GOLGA3: variants seen among roughly 807,000 people sequenced by gnomAD.
The protein encoded by GOLGA3 is golgin subfamily A member 3.
Under a neutral mutation model 169.4 loss-of-function variants are expected in GOLGA3, and 75 were observed. The ratio of observed to expected loss-of-function variants is 0.44; its 90% CI spans 0.37 to 0.54. The LOEUF (loss-of-function observed/expected upper bound fraction) is 0.54. GOLGA3 is among the 20% of genes least tolerant of loss of function. The pLI, the probability that GOLGA3 is intolerant of heterozygous loss-of-function variation, is 0.00. For missense variants in GOLGA3, 1,899 were observed against 1,930.0 expected (o/e 0.98, Z 0.30); for synonymous variants, 824 against 822.4 (o/e 1.00, Z -0.03).
intron 22 of GOLGA3, chr12:132,774,829 A>G: frequency 2.1e-6 from 1 of 483,310 alleles, no homozygotes; most frequent in Non-Finnish European, 3.6e-6. Context: ...GCCTGGGCAC[A>G]GCTCCCGGGC....
chr12:132,809,174 C>A (rs370489363), intron 4 of GOLGA3, among the ~76,000 whole-genome samples: 4 of 152,206 alleles, frequency 2.6e-5, no homozygotes, highest in Non-Finnish European at 2.9e-5. Context: ...AGACAGCTTA[C>A]GCCATTATTT....
intron 13 of GOLGA3, 71 bp downstream of exon 13, chr12:132,788,956 G>T: frequency 1.2e-5 from 6 of 493,270 alleles, no homozygotes; most frequent in Non-Finnish European, 1.5e-5. Flanking sequence ...CCCAGACACA[G>T]GCCCCACCCT....
In GOLGA3 at chr12:132,801,976, T is replaced by C. The variant is rs1228157728; in HGVS notation, c.1598-7A>G. Reference sequence around the variant, plus strand: ...TGCTGTCGCAGGTCGTGCACTGAAATGGGGCAAGCACAGCGGCTCAGGCCA... The same window carrying C: ...TGCTGTCGCAGGTCGTGCACTGAAACGGGGCAAGCACAGCGGCTCAGGCCA... On this transcript the variant is annotated splice_polypyrimidine_tract_variant and splice_region_variant and intron_variant, in intron 7 of 23. Coordinates refer to ENST00000450791, the MANE Select transcript of GOLGA3 (RefSeq NM_001389683.1). 4 of 1,593,972 alleles carry C rather than the reference T, an allele frequency of 2.5e-6. No homozygotes were observed. In the African/African-American group the frequency reaches 4.0e-5, roughly 16 times the overall value.
At position 132,808,308 on chromosome 12, in the gene GOLGA3, G is replaced by A. The variant is rs1232633583; in HGVS notation, c.761C>T (p.Ser254Leu). 2 of 1,614,030 alleles carry A rather than the reference G, an allele frequency of 1.2e-6. No individual in the cohort carries two copies. The highest frequency in any genetic ancestry group is 1.3e-5 in the African/African-American group (1 of 74,900). ...ATTTCCCCCAGAATTCCCCGCATTTGAATCTTCAGTTCTGTAATCGGCCAG... is the reference window on the plus strand; with the variant it reads ...ATTTCCCCCAGAATTCCCCGCATTTAAATCTTCAGTTCTGTAATCGGCCAG... The part of the protein sequence containing the change: ...RSLADYRTED[S>L]NAGNSGGNVP... Residue 254 changes from serine (S) to leucine (L), a missense_variant, in exon 5 of 24, where the codon TCA becomes TTA. Physicochemically the swap from Ser to Leu is moderately radical, Grantham distance 145. Coordinates refer to ENST00000450791, the MANE Select transcript of GOLGA3 (RefSeq NM_001389683.1).
At chr12:132,778,067 T>G (rs893336502) in intron 18 of GOLGA3, among the ~76,000 whole-genome samples, 6 of 152,206 alleles carry the variant, frequency 3.9e-5, no homozygotes, top group African/African-American at 1.4e-4. Context: ...TAAATAGTTT[T>G]TATAGTCTTC....
At chr12:132,826,192 G>A in intron 1 of GOLGA3, 1 of 1,559,908 alleles carries the variant, frequency 6.4e-7, no homozygotes, top group African/African-American at 1.4e-5. Flanking sequence ...TCTGAGGCTG[G>A]ACATCAGCCC....
In GOLGA3 at chr12:132,780,822, C is replaced by G; in HGVS notation, c.3558G>C (p.Glu1186Asp). ...ALQASLEKEK[E>D]KVNSLKEQVA... is the part of the protein sequence containing the mutation. ...CCTGCTCCTTGAGGCTGTTCACCTT[C>G]TCCTTCTCCTTCTCTAGTGAGGCCT... The change falls in exon 18 of 24, where the codon GAG becomes GAC. Residue 1186 changes from glutamate (E) to aspartate (D), a missense_variant. Coordinates refer to ENST00000450791, the MANE Select transcript of GOLGA3 (RefSeq NM_001389683.1). 1.2e-6 allele frequency: 2 copies of G among 1,610,286 alleles called. No homozygotes were observed. Among genetic ancestry groups the G allele is most frequent in the South Asian group, 2.2e-5 (2 of 91,060 alleles).
intron 4 of GOLGA3, among the ~76,000 whole-genome samples, chr12:132,809,888 C>A (rs1239443001): frequency 6.6e-6 from 1 of 151,246 alleles, no homozygotes; most frequent in Non-Finnish European, 1.5e-5. Flanking sequence ...CACCCACAGA[C>A]TTCCTCAACA....
chr12:132,802,917 C>G (rs4758937), intron 7 of GOLGA3, among the ~76,000 whole-genome samples: 2 of 151,334 alleles, frequency 1.3e-5, no homozygotes, highest in Non-Finnish European at 3.0e-5. Flanking sequence ...TAGCCGGGCG[C>G]GGTGGCAGAC....
intron 4 of GOLGA3, among the ~76,000 whole-genome samples, chr12:132,811,188 C>T (rs1278273995): frequency 1.3e-5 from 2 of 152,090 alleles, no homozygotes; most frequent in East Asian, 3.9e-4. Flanking sequence ...GTCTCCACGT[C>T]TTGGTGGTAG....
Position 132,800,655 on chromosome 12 carries a change from T to G in GOLGA3, c.1800+1112A>C, listed in dbSNP as rs189784979. Among the ~76,000 whole-genome samples the G allele has an allele frequency of 7.2e-5, 11 of 152,074 alleles. No homozygotes were observed. The East Asian group carries it at 1.7e-3, about 24-fold the overall frequency. On this transcript the variant is annotated intron_variant, in intron 8 of 23. Coordinates refer to ENST00000450791, the MANE Select transcript of GOLGA3 (RefSeq NM_001389683.1). ...AATATTTTATCTGGGAAAAAAAAAT[T>G]CCACAGCTAATTAAAAAATAACAGG... is the stretch of plus-strand genomic sequence containing the variant.
chr12:132,827,303 G>A (rs1458021450), intron 1 of GOLGA3, among the ~76,000 whole-genome samples: 1 of 152,140 alleles, frequency 6.6e-6, no homozygotes, highest in Non-Finnish European at 1.5e-5. Context: ...AAAACCAAAA[G>A]CAAGCAAGCC....
At chr12:132,779,854 CACAT>C (rs797021135) in intron 18 of GOLGA3, among the ~76,000 whole-genome samples, 5 of 101,432 alleles carry the variant, frequency 4.9e-5, no homozygotes, top group South Asian at 4.6e-4. Context: ...CCCCCCCGCG[CACAT>C]ACACACACCT....
chr12:132,787,924 C>CG (rs1200042721), intron 13 of GOLGA3, among the ~76,000 whole-genome samples: 3 of 134,514 alleles, frequency 2.2e-5, no homozygotes, highest in Admixed American at 1.6e-4. Flanking sequence ...CTGGACCCCC[C>CG]CCGGATGCCC....
chr12:132,808,584 A>T (rs772683416), intron 4 of GOLGA3, 35 bp from the exon 5 acceptor site: 4 of 1,508,986 alleles, frequency 2.7e-6, no homozygotes, highest in Admixed American at 2.1e-5. Flanking sequence ...AATTACATTT[A>T]AAATCCACAA....
intron 8 of GOLGA3, among the ~76,000 whole-genome samples, chr12:132,801,340 C>T (rs568345573): frequency 1.1e-4 from 16 of 152,272 alleles, no homozygotes; most frequent in African/African-American, 3.6e-4. Flanking sequence ...CCACTGGCAC[C>T]GCACGCCTGT....
chr12:132,803,015 A>C (rs1019969333), intron 7 of GOLGA3, among the ~76,000 whole-genome samples: 3 of 152,066 alleles, frequency 2.0e-5, no homozygotes, highest in Non-Finnish European at 4.4e-5. Context: ...AGATGGCGCC[A>C]TTGCACTCCA....
intron 1 of GOLGA3, among the ~76,000 whole-genome samples, chr12:132,824,290 G>A (rs917177345): frequency 1.1e-4 from 16 of 152,208 alleles, no homozygotes; most frequent in African/African-American, 3.6e-4. Flanking sequence ...ACTGAAGGGC[G>A]TGCAGACCTG....
At chr12:132,807,320 G>A (rs769643546) in intron 5 of GOLGA3, 32 bp from the exon 6 acceptor site, 33 of 1,247,434 alleles carry the variant, frequency 2.6e-5, no homozygotes, top group African/African-American at 4.5e-5. Flanking sequence ...AGGCCTGTGC[G>A]AGCCATCCTC....
Sources: gnomAD v4.1 joint callset for allele counts (sites outside exome capture counted in the v4.1 genomes callset) on GRCh38, gnomAD v4.1.1 for gene constraint, MANE v1.5 for transcripts, NCBI Gene and HGNC (gene_info 2026-07-23, HGNC 2026-07-21) for gene names.